Variants in UGT3A2 observed in about 807,000 individuals in gnomAD.
UGT3A2 encodes UDP glycosyltransferase family 3 member A2.
Under a neutral mutation model 39.8 loss-of-function variants are expected in UGT3A2, and 32 were observed. The observed-to-expected ratio is 0.80, with a 90% CI of 0.61 to 1.08. The LOEUF (loss-of-function observed/expected upper bound fraction) is 1.08. Among genes scored for constraint, UGT3A2 ranks in the 50% least tolerant of loss-of-function variants. The pLI, the probability that UGT3A2 is intolerant of heterozygous loss-of-function variation, is 0.00. For synonymous variants in UGT3A2, 241 were observed against 230.7 expected, an observed-to-expected ratio of 1.04 and a Z score of -0.40; for missense variants, 611 against 637.1, an observed-to-expected ratio of 0.96 and a Z score of 0.44.
At chr5:36,057,785 C>T (rs1742561123) in intron 2 of UGT3A2, among the ~76,000 whole-genome samples, 1 of 152,112 alleles carries the variant, frequency 6.6e-6, no homozygotes, top group Non-Finnish European at 1.5e-5. Flanking sequence ...AGTGATCCTC[C>T]TGCCTCAGCC....
At chr5:36,046,982 A>T (rs1257471385) in intron 4 of UGT3A2, among the ~76,000 whole-genome samples, 2 of 152,204 alleles carry the variant, frequency 1.3e-5, no homozygotes, top group Admixed American at 6.5e-5. Context: ...GCATCAGGCA[A>T]AACTTCCTCC....
At chr5:36,052,507 C>T (rs945194998) in intron 2 of UGT3A2, among the ~76,000 whole-genome samples, 2 of 152,142 alleles carry the variant, frequency 1.3e-5, no homozygotes, top group African/African-American at 4.8e-5. Flanking sequence ...AATGTCAAGC[C>T]CCATTTCCCC....
intron 2 of UGT3A2, among the ~76,000 whole-genome samples, chr5:36,062,557 A>G (rs1442795696): frequency 2.0e-5 from 3 of 151,494 alleles, no homozygotes; most frequent in Non-Finnish European, 4.4e-5. Flanking sequence ...AGTTGTAGAT[A>G]TGCGGCGTTA....
intron 2 of UGT3A2, among the ~76,000 whole-genome samples, chr5:36,056,335 TA>T (rs1003274741): frequency 6.6e-6 from 1 of 152,222 alleles, no homozygotes; most frequent in Non-Finnish European, 1.5e-5. Context: ...CTCCAGGGTA[TA>T]AAACCCAAGG....
chr5:36,041,170 G>A (rs1434089718), intron 4 of UGT3A2, among the ~76,000 whole-genome samples: 1 of 152,074 alleles, frequency 6.6e-6, no homozygotes, highest in East Asian at 1.9e-4. Context: ...CTTCTCACAG[G>A]CTTGGGGTGG....
intron 2 of UGT3A2, among the ~76,000 whole-genome samples, chr5:36,058,859 G>A (rs952026920): frequency 2.0e-5 from 3 of 152,164 alleles, no homozygotes; most frequent in African/African-American, 7.2e-5. Context: ...GTAACAAGTA[G>A]TAATTGTGGC....
chr5:36,039,597 C>T lies in UGT3A2; in HGVS notation c.955G>A (p.Ala319Thr). Residue 319 changes from alanine (A) to threonine (T), a missense_variant, in exon 5 of 7, where the codon GCC becomes ACC. Transcript: ENST00000282507. Reference sequence around the variant, plus strand: ...ACCCCTTGGGGTAGGTGAGCAAAGGCATTGTTCATCTCCTTGAAGATTTCC... The same window carrying T: ...ACCCCTTGGGGTAGGTGAGCAAAGGTATTGTTCATCTCCTTGAAGATTTCC... ...NPEIFKEMNNAFAHLPQGVIW... is the reference protein window; with the variant it reads ...NPEIFKEMNNTFAHLPQGVIW... The T allele has an allele frequency of 1.2e-6, 2 of 1,614,166 alleles. No individual in the cohort carries two copies. Among genetic ancestry groups the T allele is most frequent in the Non-Finnish European group, 1.7e-6 (2 of 1,180,040 alleles).
Position 36,049,272 on chromosome 5 carries a change from T to A in UGT3A2, c.460A>T (p.Ile154Phe). The A allele has an allele frequency of 3.7e-6, 6 of 1,614,120 alleles. No homozygotes were observed. The highest frequency in any genetic ancestry group is 5.1e-6 in the Non-Finnish European group (6 of 1,180,018). Reference sequence around the variant, plus strand: ...AATGGCTTCCCAAGCTTCTCAGCAATCAGGAAAGGACAGTAGTCAAAAGTT... The same window carrying A: ...AATGGCTTCCCAAGCTTCTCAGCAAACAGGAAAGGACAGTAGTCAAAAGTT... ...VETFDYCPFL[I>F]AEKLGKPFVA... Residue 154 changes from isoleucine (I) to phenylalanine (F), a missense_variant, in exon 4 of 7, where the codon ATT (isoleucine) becomes TTT (phenylalanine). Transcript: ENST00000282507.
rs138403099 is a variant in UGT3A2 at position 36,051,902 on chromosome 5, A to T, written c.279T>A (p.Phe93Leu). The change falls in exon 3 of 7, where the codon TTT becomes TTA. Residue 93 changes from phenylalanine (F) to leucine (L), a missense_variant. Coordinates refer to ENST00000282507, the MANE Select transcript of UGT3A2 (RefSeq NM_174914.4). ...CTAAAGTTTCTTCCAGAAAGAAATCAAAACTCTTTTTAAATTCTCTTTGAT... is the reference window on the plus strand; with the variant it reads ...CTAAAGTTTCTTCCAGAAAGAAATCTAAACTCTTTTTAAATTCTCTTTGAT... ...EDHQREFKKS[F>L]DFFLEETLGG... The T allele has an allele frequency of 4.1e-4, 661 of 1,595,096 alleles. No homozygotes were observed. The highest frequency in any genetic ancestry group is 7.3e-4 in the Admixed American group (39 of 53,648).
chr5:36,051,920 T>C lies in UGT3A2; in HGVS notation c.261A>G (p.Arg87=). 3 of 1,594,008 alleles carry C rather than the reference T, an allele frequency of 1.9e-6. No individual in the cohort carries two copies. The highest frequency in any genetic ancestry group is 2.6e-6 in the Non-Finnish European group (3 of 1,175,148). The change falls in exon 3 of 7, where the codon AGA becomes AGG. Residue 87 remains arginine, a synonymous_variant. Coordinates refer to ENST00000282507, the MANE Select transcript of UGT3A2 (RefSeq NM_174914.4). The part of the protein sequence containing the change: ...ISWLAPEDHQ[R]EFKKSFDFFL... ...AGAAATCAAAACTCTTTTTAAATTC[T>C]CTTTGATGATCTTCAGGTGCAAGCC...
At chr5:36,065,705 A>G (rs965603049) in intron 1 of UGT3A2, among the ~76,000 whole-genome samples, 1 of 152,182 alleles carries the variant, frequency 6.6e-6, no homozygotes, top group Non-Finnish European at 1.5e-5. Flanking sequence ...TGCAGTAAGA[A>G]AACCCTGAGT....
In UGT3A2 at chr5:36,064,308, A is replaced by G. The variant is rs756836278; in HGVS notation, c.137T>C (p.Leu46Pro). The G allele has an allele frequency of 6.2e-7, 1 of 1,614,110 alleles. No individual in the cohort carries two copies. The highest frequency in any genetic ancestry group is 1.3e-5 in the African/African-American group (1 of 74,942). Residue 46 changes from leucine (L) to proline (P), a missense_variant, in exon 2 of 7, where the codon CTT (leucine) becomes CCT (proline). Transcript: ENST00000282507. ...GGTGACATTATGACCGTGATCTTGA[A>G]GAATCTGAGAAACCCGGTCCATCAG... ...YLLMDRVSQI[L>P]QDHGHNVTML... is the part of the protein sequence containing the mutation.
chr5:36,047,080 T>C (rs1274993786), intron 4 of UGT3A2, among the ~76,000 whole-genome samples: 1 of 152,230 alleles, frequency 6.6e-6, no homozygotes, highest in Non-Finnish European at 1.5e-5. Flanking sequence ...TGATTATTTC[T>C]GTAAATTGTG....
In UGT3A2 at chr5:36,061,234, A is replaced by G. The variant is rs2642732; in HGVS notation, c.196+3015T>C. Among the ~76,000 whole-genome samples the G allele has an allele frequency of 6.5e-3, 857 of 132,712 alleles. 7 individuals are homozygous for G. The highest frequency in any genetic ancestry group is 0.023 in the African/African-American group (816 of 36,074). 87.1% of individuals were successfully genotyped at this position (132,712 alleles called of 152,430 possible). ...ATATATTTTACCACAATGAAATTTTAAATTTTATTATTATTATTATTATAC... is the reference window on the plus strand; with the variant it reads ...ATATATTTTACCACAATGAAATTTTGAATTTTATTATTATTATTATTATAC... On this transcript the variant is annotated intron_variant, in intron 2 of 6. Coordinates refer to ENST00000282507, the MANE Select transcript of UGT3A2 (RefSeq NM_174914.4).
At position 36,066,829 on chromosome 5, in the gene UGT3A2, CGCGCCCT is replaced by C; in HGVS notation, c.-47_-41del. On this transcript the variant is annotated 5_prime_UTR_variant, in exon 1 of 7. Transcript: ENST00000282507. ...AAGCCGCGGATCTCAGCCTGGGCTGCGCGCCCTGCGCCCGGCTAAGGGACCCTGTGCA... is the reference window on the plus strand; with the variant it reads ...AAGCCGCGGATCTCAGCCTGGGCTGCGCGCCCGGCTAAGGGACCCTGTGCA... 1 of 1,612,262 alleles carries C rather than the reference CGCGCCCT, an allele frequency of 6.2e-7. No homozygotes were observed.
intron 4 of UGT3A2, among the ~76,000 whole-genome samples, chr5:36,042,976 CA>C (rs1742058437): frequency 6.6e-6 from 1 of 151,946 alleles, no homozygotes; most frequent in East Asian, 1.9e-4. Context: ...ACGCATCATC[CA>C]GACAGAAAAT....
rs1372105741 is a variant in UGT3A2 at position 36,066,870 on chromosome 5, C to T, written c.-81G>A. 1.3e-6 allele frequency: 2 copies of T among 1,522,464 alleles called. No homozygotes were observed. The highest frequency in any genetic ancestry group is 1.8e-6 in the Non-Finnish European group (2 of 1,098,446). 94.3% of individuals were successfully genotyped at this position (1,522,464 alleles called of 1,614,324 possible). The stretch of plus-strand genomic sequence containing the variant: ...CTAAGGGACCCTGTGCACCTCAGTG[C>T]GCCAAAGGCACTGGCTGTGGGTAGA... On this transcript the variant is annotated 5_prime_UTR_variant, in exon 1 of 7. Transcript: ENST00000282507.
chr5:36,052,655 C>T (rs1742383858), intron 2 of UGT3A2, among the ~76,000 whole-genome samples: 1 of 152,100 alleles, frequency 6.6e-6, no homozygotes, highest in Non-Finnish European at 1.5e-5. Flanking sequence ...CCCCTCCTCA[C>T]AGTAAAAACT....
In UGT3A2 at chr5:36,064,350, C is replaced by G; in HGVS notation, c.95G>C (p.Gly32Ala). The G allele has an allele frequency of 1.2e-6, 2 of 1,613,508 alleles. No homozygotes were observed. Among genetic ancestry groups the G allele is most frequent in the South Asian group, 2.2e-5 (2 of 91,046 alleles). Residue 32 changes from glycine (G) to alanine (A), a missense_variant and splice_region_variant, in exon 2 of 7, where the codon GGT becomes GCT. Coordinates refer to ENST00000282507, the MANE Select transcript of UGT3A2 (RefSeq NM_174914.4). ...AAKILTISTVGGSHYLLMDRV... is the reference protein window; with the variant it reads ...AAKILTISTVAGSHYLLMDRV... ...GTCCATCAGTAGATAATGGCTTCCACCTAGGAACAATGCACAACTTCAGTT... is the reference window on the plus strand; with the variant it reads ...GTCCATCAGTAGATAATGGCTTCCAGCTAGGAACAATGCACAACTTCAGTT...
Sources: gnomAD v4.1 joint callset for allele counts (sites outside exome capture counted in the v4.1 genomes callset) on GRCh38, gnomAD v4.1.1 for gene constraint, MANE v1.5 for transcripts, NCBI Gene and HGNC (gene_info 2026-07-23, HGNC 2026-07-21) for gene names.